Variants in DLG2 observed in about 807,000 individuals in gnomAD.
The protein encoded by DLG2 is disks large homolog 2.
DLG2 carries 45 observed loss-of-function variants against 132.5 expected under a neutral mutation model. The observed-to-expected ratio is 0.34, with a 90% CI of 0.27 to 0.44. The LOEUF is 0.44. Among genes scored for constraint, DLG2 ranks in the 20% least tolerant of loss-of-function variants. DLG2 has a pLI of 1.00. For synonymous variants in DLG2, 424 were observed against 419.6 expected (o/e 1.01, Z -0.13); for missense variants, 1,045 against 1,196.9 (o/e 0.87, Z 1.87).
intron 8 of DLG2, among the ~76,000 whole-genome samples, chr11:84,236,923 GT>G (rs910983902): frequency 1.6e-4 from 22 of 136,716 alleles, no homozygotes; most frequent in Middle Eastern, 3.9e-3. Flanking sequence ...GCATCAGTAT[GT>G]TTTTTTTTTT....
At chr11:85,034,296 T>C (rs1231355576) in intron 6 of DLG2, among the ~76,000 whole-genome samples, 1 of 152,034 alleles carries the variant, frequency 6.6e-6, no homozygotes, top group Non-Finnish European at 1.5e-5. Flanking sequence ...GCCGGGATGG[T>C]CTCTCTCCTG....
At chr11:83,935,895 C>T (rs2081327774) in intron 14 of DLG2, among the ~76,000 whole-genome samples, 1 of 152,158 alleles carries the variant, frequency 6.6e-6, no homozygotes, top group South Asian at 2.1e-4. Context: ...TCTTAACATC[C>T]TCATCTGGAA....
chr11:84,884,062 A>C lies in DLG2; in HGVS notation c.357+227599T>G, dbSNP rs74344824. 4.8e-3 allele frequency among the ~76,000 whole-genome samples: 724 copies of C among 152,226 alleles called. 8 individuals are homozygous for C. The highest frequency in any genetic ancestry group is 0.017 in the African/African-American group (689 of 41,568). ...TGTTGATAACAATAACAAATAAAGG[A>C]TTCTAAGCTACTCACACATGACATA... On this transcript the variant is annotated intron_variant, in intron 6 of 27. Coordinates refer to ENST00000376104, the MANE Select transcript of DLG2 (RefSeq NM_001142699.3).
chr11:84,362,530 T>TTTTTTTTATTATA (rs1407576404), intron 7 of DLG2, among the ~76,000 whole-genome samples: 1 of 151,982 alleles, frequency 6.6e-6, no homozygotes, highest in African/African-American at 2.4e-5. Flanking sequence ...TTATTATACT[T>TTTTTTTTATTATA]CAAGTTTTAG....
In DLG2 at chr11:83,639,414, G is replaced by A. The variant is rs546241128; in HGVS notation, c.1826-6089C>T. Among the ~76,000 whole-genome samples, 115 of 152,222 alleles carry A rather than the reference G, an allele frequency of 7.6e-4. 1 individual carries two copies. Among genetic ancestry groups the A allele is most frequent in the African/African-American group, 2.5e-3 (103 of 41,544 alleles). ...ACATTTGGGTTGGTTCCAAGTCTTT[G>A]CTATTGTGAATAATAAAAAACGATG... On this transcript the variant is annotated intron_variant, in intron 18 of 27. Transcript: ENST00000376104.
intron 6 of DLG2, among the ~76,000 whole-genome samples, chr11:84,747,294 T>C (rs1292665890): frequency 1.3e-5 from 2 of 152,214 alleles, no homozygotes; most frequent in Non-Finnish European, 2.9e-5. Context: ...ACTTTTAAAT[T>C]ATATACATAT....
chr11:84,640,511 T>C (rs1053369332), intron 6 of DLG2: 4 of 402,658 alleles, frequency 9.9e-6, no homozygotes, highest in South Asian at 2.1e-5. Flanking sequence ...TCAGAAAACT[T>C]TTGGATGGTA....
chr11:83,894,846 A>T (rs1376490127), intron 15 of DLG2, among the ~76,000 whole-genome samples: 1 of 152,128 alleles, frequency 6.6e-6, no homozygotes, highest in East Asian at 1.9e-4. Context: ...CTCTGCCTTC[A>T]TGAGATCCAC....
intron 6 of DLG2, among the ~76,000 whole-genome samples, chr11:85,038,076 G>A (rs1349913320): frequency 6.6e-6 from 1 of 152,036 alleles, no homozygotes; most frequent in Non-Finnish European, 1.5e-5. Context: ...ATTTTGTGTA[G>A]AGCCTGCATA....
intron 6 of DLG2, among the ~76,000 whole-genome samples, chr11:84,682,971 T>G (rs1282011030): frequency 6.6e-6 from 1 of 152,206 alleles, no homozygotes; most frequent in Non-Finnish European, 1.5e-5. Flanking sequence ...AGTTTTCTCT[T>G]TATCACAATG....
At chr11:83,469,955 A>T (rs756813408) in intron 24 of DLG2, among the ~76,000 whole-genome samples, 19 of 152,084 alleles carry the variant, frequency 1.2e-4, no homozygotes, top group Non-Finnish European at 2.5e-4. Flanking sequence ...AAAATCAGCA[A>T]CTCTAACCAT....
intron 9 of DLG2, among the ~76,000 whole-genome samples, chr11:84,121,750 A>G (rs555887679): frequency 3.3e-5 from 5 of 150,980 alleles, no homozygotes; most frequent in African/African-American, 1.2e-4. Flanking sequence ...TTTAGTAGAG[A>G]CGGGGTTTCA....
rs1328575182 is a variant in DLG2 at position 84,591,477 on chromosome 11, G to T, written c.358-56746C>A. On this transcript the variant is annotated intron_variant, in intron 6 of 27. Coordinates refer to ENST00000376104, the MANE Select transcript of DLG2 (RefSeq NM_001142699.3). ...GGGTCAGGAGTTTGAGACCAACCTG[G>T]TCAACATGAGAAAACCCTGTTTCTA... is the stretch of plus-strand genomic sequence containing the variant. 2.0e-5 allele frequency among the ~76,000 whole-genome samples: 3 copies of T among 151,838 alleles called. No homozygotes were observed. In the East Asian group the frequency reaches 5.9e-4, roughly 30 times the overall value.
intron 21 of DLG2, among the ~76,000 whole-genome samples, chr11:83,505,688 G>A (rs1229509546): frequency 6.6e-6 from 1 of 152,120 alleles, no homozygotes; most frequent in Non-Finnish European, 1.5e-5. Flanking sequence ...GTATATAATT[G>A]CACATCTGGC....
chr11:84,166,346 C>T (rs2095661861), intron 8 of DLG2, among the ~76,000 whole-genome samples: 1 of 151,276 alleles, frequency 6.6e-6, no homozygotes, highest in South Asian at 2.1e-4. Context: ...TACTAAAATA[C>T]AAAAAATTAT....
intron 7 of DLG2, among the ~76,000 whole-genome samples, chr11:84,275,503 C>T (rs1298639791): frequency 1.3e-5 from 2 of 152,122 alleles, no homozygotes; most frequent in Admixed American, 6.5e-5. Context: ...TACAGGCACC[C>T]GCCACCATGC....
At chr11:85,233,164 G>A (rs2075390930) in intron 4 of DLG2, among the ~76,000 whole-genome samples, 6 of 151,800 alleles carry the variant, frequency 4.0e-5, no homozygotes, top group Admixed American at 1.3e-4. Flanking sequence ...CTGACATATG[G>A]GTGATTTCTT....
chr11:84,683,585 C>A (rs1048826747), intron 6 of DLG2, among the ~76,000 whole-genome samples: 5 of 152,120 alleles, frequency 3.3e-5, no homozygotes, highest in Admixed American at 6.5e-5. Flanking sequence ...GCCTCCTACA[C>A]AAAGTTCATC....
Position 85,285,222 on chromosome 11 carries a change from C to T in DLG2, c.184G>A (p.Glu62Lys). 1 of 1,610,994 alleles carries T rather than the reference C, an allele frequency of 6.2e-7. No individual in the cohort carries two copies. The highest frequency in any genetic ancestry group is 8.5e-7 in the Non-Finnish European group (1 of 1,178,134). The change falls in exon 4 of 28, where the codon GAG becomes AAG. Residue 62 changes from glutamate (E) to lysine (K), a missense_variant and splice_region_variant. Transcript: ENST00000376104. ...TTTTGGAAGTTTCAGTAGTATACCT[C>T]TGAAGATTTTTGAAGTCTGTCATGG... ...PCHDRLQKSS[E>K]LTDCSGSKEN...
Sources: gnomAD v4.1 joint callset for allele counts (sites outside exome capture counted in the v4.1 genomes callset) on GRCh38, gnomAD v4.1.1 for gene constraint, MANE v1.5 for transcripts, NCBI Gene and HGNC (gene_info 2026-07-23, HGNC 2026-07-21) for gene names.